The following FGF12 variants were observed in gnomAD, a reference collection of about 807,000 sequenced individuals.
FGF12 encodes the protein fibroblast growth factor 12, also known as fibroblast growth factor 12B.
FGF12 carries 14 observed loss-of-function variants against 23.6 expected under a neutral mutation model. The ratio of observed to expected loss-of-function variants is 0.59; its 90% CI spans 0.39 to 0.93. The LOEUF (loss-of-function observed/expected upper bound fraction) is 0.93. FGF12 is among the 40% of genes least tolerant of loss of function. The probability of loss-of-function intolerance (pLI) is 0.00; values close to 1 mark genes in which losing one functional copy is unlikely to be tolerated. For synonymous variants in FGF12, 62 were observed against 77.3 expected (o/e 0.80, Z 1.04); for missense variants, 175 against 217.8 (o/e 0.80, Z 1.24).
At chr3:192,274,649 C>T (rs937435613) in intron 4 of FGF12, among the ~76,000 whole-genome samples, 1 of 152,082 alleles carries the variant, frequency 6.6e-6, no homozygotes, top group African/African-American at 2.4e-5. Context: ...ACTATCTAAT[C>T]CCCTGGCTTT....
intron 2 of FGF12, among the ~76,000 whole-genome samples, chr3:192,498,580 C>CGG (rs1396778528): frequency 6.6e-6 from 1 of 151,840 alleles, no homozygotes; most frequent in Non-Finnish European, 1.5e-5. Flanking sequence ...TCCATTACCA[C>CGG]ACACTTTGTA....
intron 2 of FGF12, among the ~76,000 whole-genome samples, chr3:192,603,674 G>A (rs747100086): frequency 7.9e-5 from 12 of 152,018 alleles, no homozygotes; most frequent in Non-Finnish European, 1.8e-4. Flanking sequence ...AAAAGGGGAG[G>A]GGGTGTCTGA....
intron 2 of FGF12, among the ~76,000 whole-genome samples, chr3:192,505,556 T>C (rs1351081402): frequency 2.6e-5 from 4 of 152,206 alleles, no homozygotes; most frequent in Non-Finnish European, 5.9e-5. Flanking sequence ...AGAGATTTTC[T>C]TACTCTACAG....
At chr3:192,342,828 CA>C (rs35829016) in intron 3 of FGF12, among the ~76,000 whole-genome samples, 1 of 151,938 alleles carries the variant, frequency 6.6e-6, no homozygotes, top group Non-Finnish European at 1.5e-5. Context: ...GATACTGCAC[CA>C]AAAAATGTAC....
intron 2 of FGF12, among the ~76,000 whole-genome samples, chr3:192,692,529 A>C (rs1415370950): frequency 6.6e-6 from 1 of 152,078 alleles, no homozygotes; most frequent in African/African-American, 2.4e-5. Context: ...ATGTGGTGAA[A>C]CCCTGTCTCT....
intron 2 of FGF12, among the ~76,000 whole-genome samples, chr3:192,576,649 A>G (rs1001364781): frequency 6.6e-6 from 1 of 152,200 alleles, no homozygotes; most frequent in Non-Finnish European, 1.5e-5. Flanking sequence ...ACTTGATGGT[A>G]TGGAAAAAAA....
rs74390250 is a variant in FGF12 at position 192,652,637 on chromosome 3, C to T, written c.13+74544G>A. On this transcript the variant is annotated intron_variant, in intron 2 of 5. Transcript: ENST00000445105. ...TGGTAACTTGTGAGAAATACAAATT[C>T]TCAGGCTAGTGTCACAAATTTACCA... 1.9e-3 allele frequency among the ~76,000 whole-genome samples: 286 copies of T among 152,276 alleles called. 6 individuals are homozygous for T. In the East Asian group the frequency reaches 0.047, roughly 25 times the overall value.
intron 4 of FGF12, among the ~76,000 whole-genome samples, chr3:192,210,913 C>G (rs144985644): frequency 6.6e-6 from 1 of 151,964 alleles, no homozygotes; most frequent in Admixed American, 6.6e-5. Context: ...CTGGAGGCAA[C>G]GAGAAGAACA....
intron 4 of FGF12, among the ~76,000 whole-genome samples, chr3:192,293,160 A>G (rs1332584555): frequency 6.6e-6 from 1 of 151,886 alleles, no homozygotes; most frequent in African/African-American, 2.4e-5. Flanking sequence ...GAGATATTAA[A>G]GAAGGAAAGA....
intron 4 of FGF12, among the ~76,000 whole-genome samples, chr3:192,184,751 T>C (rs1354521679): frequency 5.9e-5 from 9 of 152,236 alleles, no homozygotes; most frequent in Admixed American, 5.9e-4. Flanking sequence ...CAAAGCATCT[T>C]TGCAGACCCT....
At chr3:192,641,164 G>A (rs1180805940) in intron 2 of FGF12, among the ~76,000 whole-genome samples, 1 of 79,524 alleles carries the variant, frequency 1.3e-5, no homozygotes, top group African/African-American at 4.6e-5. Context: ...GGAGTGCAGT[G>A]GCGGGATCTC....
intron 2 of FGF12, among the ~76,000 whole-genome samples, chr3:192,594,692 G>A (rs1369469094): frequency 1.3e-5 from 2 of 151,840 alleles, no homozygotes; most frequent in African/African-American, 4.8e-5. Context: ...GAGCAAGAGA[G>A]TCCTGAGCTG....
At chr3:192,250,414 G>A (rs545446411) in intron 4 of FGF12, among the ~76,000 whole-genome samples, 4 of 152,222 alleles carry the variant, frequency 2.6e-5, no homozygotes, top group African/African-American at 9.6e-5. Flanking sequence ...GGTCACCAAA[G>A]AATGTTCTAC....
intron 2 of FGF12, among the ~76,000 whole-genome samples, chr3:192,719,733 G>T (rs188404246): frequency 1.7e-3 from 237 of 143,530 alleles, no homozygotes; most frequent in African/African-American, 5.6e-3. Context: ...TAATAGTCTT[G>T]TTTGTAGAGT....
At chr3:192,165,524 T>A (rs1715117461) in intron 5 of FGF12, among the ~76,000 whole-genome samples, 1 of 151,584 alleles carries the variant, frequency 6.6e-6, no homozygotes, top group Non-Finnish European at 1.5e-5. Flanking sequence ...CCAATTTTTT[T>A]TTTTTTTTTT....
intron 5 of FGF12, among the ~76,000 whole-genome samples, chr3:192,167,764 T>G (rs1715285668): frequency 3.1e-5 from 1 of 32,390 alleles, no homozygotes. Flanking sequence ...TATATATATA[T>G]ATATAAAATT....
At chr3:192,610,517 TA>T (rs772077835) in intron 2 of FGF12, among the ~76,000 whole-genome samples, 8 of 152,008 alleles carry the variant, frequency 5.3e-5, no homozygotes, top group Non-Finnish European at 1.2e-4. Context: ...AAACCACAAT[TA>T]TCTCATCCGG....
chr3:192,456,029 C>T (rs1337679900), intron 2 of FGF12, among the ~76,000 whole-genome samples: 1 of 152,158 alleles, frequency 6.6e-6, no homozygotes, highest in Non-Finnish European at 1.5e-5. Flanking sequence ...ATGTTATCAA[C>T]TCAACCTGAC....
chr3:192,442,797 A>G (rs1448068182), intron 2 of FGF12, among the ~76,000 whole-genome samples: 1 of 150,526 alleles, frequency 6.6e-6, no homozygotes, highest in Non-Finnish European at 1.5e-5. Flanking sequence ...TGGGAGCCAC[A>G]TGTATTCTAT....
Sources: gnomAD v4.1 joint callset for allele counts (sites outside exome capture counted in the v4.1 genomes callset) on GRCh38, gnomAD v4.1.1 for gene constraint, MANE v1.5 for transcripts, NCBI Gene and HGNC (gene_info 2026-07-23, HGNC 2026-07-21) for gene names.